The following LRMDA variants were observed in gnomAD, a reference collection of about 807,000 sequenced individuals.
The protein encoded by LRMDA is leucine rich melanocyte differentiation associated.
Under a neutral mutation model 29.8 loss-of-function variants are expected in LRMDA, and 18 were observed. The observed-to-expected ratio is 0.60, with a 90% CI of 0.42 to 0.90. The LOEUF is 0.90. Among genes scored for constraint, LRMDA ranks in the 40% least tolerant of loss-of-function variants. LRMDA has a pLI of 0.00. For missense variants in LRMDA, 273 were observed against 273.9 expected (o/e 1.00, Z 0.02); for synonymous variants, 125 against 109.4 (o/e 1.14, Z -0.89).
intron 2 of LRMDA, among the ~76,000 whole-genome samples, chr10:75,780,953 C>T (rs1271123011): frequency 6.6e-6 from 1 of 152,196 alleles, no homozygotes; most frequent in Non-Finnish European, 1.5e-5. Flanking sequence ...AGTCTTAACT[C>T]TTTAGTATGA....
intron 2 of LRMDA, among the ~76,000 whole-genome samples, chr10:75,488,611 G>A (rs937889744): frequency 1.3e-5 from 2 of 152,100 alleles, no homozygotes; most frequent in African/African-American, 2.4e-5. Flanking sequence ...TGTGCCCATC[G>A]GATTTTTGAG....
At chr10:76,176,943 C>T (rs955630028) in intron 5 of LRMDA, among the ~76,000 whole-genome samples, 19 of 152,198 alleles carry the variant, frequency 1.2e-4, no homozygotes, top group Non-Finnish European at 1.5e-5. Context: ...ATTAGTGGCA[C>T]CATTTCAGAC....
At chr10:76,078,740 G>A (rs187352774) in intron 5 of LRMDA, among the ~76,000 whole-genome samples, 409 of 152,284 alleles carry the variant, frequency 2.7e-3, no homozygotes, top group Non-Finnish European at 2.8e-3. Context: ...GGAGGCTGAG[G>A]CAGGAGAATG....
At chr10:75,533,365 G>C (rs1320692866) in intron 2 of LRMDA, among the ~76,000 whole-genome samples, 1 of 152,192 alleles carries the variant, frequency 6.6e-6, no homozygotes, top group Non-Finnish European at 1.5e-5. Context: ...TTAGGGGTGG[G>C]GTAACCCAGG....
At chr10:76,489,056 C>A (rs974093379) in intron 6 of LRMDA, among the ~76,000 whole-genome samples, 1 of 151,866 alleles carries the variant, frequency 6.6e-6, no homozygotes, top group African/African-American at 2.4e-5. Flanking sequence ...AGTATTCCCT[C>A]TTCCTCTATT....
At position 76,361,192 on chromosome 10, in the gene LRMDA, C is replaced by T. The variant is rs1256056677; in HGVS notation, c.601+36707C>T. On this transcript the variant is annotated intron_variant, in intron 6 of 6. Coordinates refer to ENST00000611255, the MANE Select transcript of LRMDA (RefSeq NM_001305581.2). ...AGGAGAGCTGCTTGAGCCTGGGAGG[C>T]GGTGGTTGCAGTGAGTCGAGATTGC... Among the ~76,000 whole-genome samples the T allele has an allele frequency of 4.6e-5, 7 of 151,396 alleles. No homozygotes were observed. The South Asian group carries it at 1.0e-3, about 23-fold the overall frequency.
chr10:75,933,859 G>A (rs1421905686), intron 2 of LRMDA, among the ~76,000 whole-genome samples: 1 of 152,148 alleles, frequency 6.6e-6, no homozygotes, highest in Non-Finnish European at 1.5e-5. Flanking sequence ...TAAGGGTTGT[G>A]GTTTTAGAAG....
rs542289412 is a variant in LRMDA, at chr10:75,972,120, A to T, written c.132-63888A>T. Among the ~76,000 whole-genome samples, 222 of 152,310 alleles carry T rather than the reference A, an allele frequency of 1.5e-3. 1 individual carries two copies. Among genetic ancestry groups the T allele is most frequent in the African/African-American group, 5.0e-3 (206 of 41,578 alleles). ...TGTTTTCTGAATGTTTGACAAACACATGGCTTCGATGTGCTAGAATCATAG... is the reference window on the plus strand; with the variant it reads ...TGTTTTCTGAATGTTTGACAAACACTTGGCTTCGATGTGCTAGAATCATAG... On this transcript the variant is annotated intron_variant, in intron 2 of 6. Transcript: ENST00000611255.
chr10:75,841,424 G>A (rs1288143318), intron 2 of LRMDA, among the ~76,000 whole-genome samples: 1 of 152,222 alleles, frequency 6.6e-6, no homozygotes, highest in East Asian at 1.9e-4. Context: ...AGTCCTGGGA[G>A]CCTGAGTCCT....
intron 5 of LRMDA, among the ~76,000 whole-genome samples, chr10:76,133,204 C>G (rs554831210): frequency 4.6e-5 from 7 of 151,978 alleles, no homozygotes; most frequent in African/African-American, 1.7e-4. Flanking sequence ...CTCTTCAACG[C>G]TATGCTAAGT....
chr10:76,170,140 G>A (rs893620898), intron 5 of LRMDA, among the ~76,000 whole-genome samples: 15 of 152,120 alleles, frequency 9.9e-5, no homozygotes, highest in African/African-American at 3.4e-4. Flanking sequence ...ATTCAGGAGC[G>A]GATCAGGGCT....
At chr10:75,829,841 C>CTTTTTTT (rs34025294) in intron 2 of LRMDA, among the ~76,000 whole-genome samples, 27 of 89,434 alleles carry the variant, frequency 3.0e-4, no homozygotes, top group African/African-American at 3.7e-4. Flanking sequence ...GAATAGGCCA[C>CTTTTTTT]TTTTTTTTTT....
intron 2 of LRMDA, among the ~76,000 whole-genome samples, chr10:75,667,171 T>C (rs1841832601): frequency 6.6e-6 from 1 of 152,194 alleles, no homozygotes; most frequent in African/African-American, 2.4e-5. Context: ...TTCTCTACTT[T>C]CTTCACTCCT....
In LRMDA at chr10:75,539,562, G is replaced by A. The variant is rs144984593; in HGVS notation, c.131+101068G>A. 2.9e-3 allele frequency among the ~76,000 whole-genome samples: 445 copies of A among 152,208 alleles called. 4 individuals are homozygous for A. Among genetic ancestry groups the A allele is most frequent in the African/African-American group, 0.01 (418 of 41,498 alleles). ...CTTATTTTAAATATTAAGTTATGGG[G>A]GAAATGTTTATACTGGCAAATAATA... On this transcript the variant is annotated intron_variant, in intron 2 of 6. Transcript: ENST00000611255.
chr10:75,540,931 T>C (rs1005835447), intron 2 of LRMDA, among the ~76,000 whole-genome samples: 1 of 152,312 alleles, frequency 6.6e-6, no homozygotes, highest in South Asian at 2.1e-4. Flanking sequence ...CTCATTGCTT[T>C]TACAGGAAGA....
At chr10:76,524,765 A>G (rs757691701) in intron 6 of LRMDA, among the ~76,000 whole-genome samples, 1 of 152,234 alleles carries the variant, frequency 6.6e-6, no homozygotes, top group African/African-American at 2.4e-5. Flanking sequence ...TAAAAGAGAA[A>G]GGAAATTGCC....
chr10:76,287,093 G>A (rs1840281034), intron 5 of LRMDA, among the ~76,000 whole-genome samples: 1 of 152,102 alleles, frequency 6.6e-6, no homozygotes, highest in Non-Finnish European at 1.5e-5. Flanking sequence ...GAAACTAGAA[G>A]ATATAACATA....
At chr10:75,484,688 T>C (rs1338268471) in intron 2 of LRMDA, among the ~76,000 whole-genome samples, 1 of 152,218 alleles carries the variant, frequency 6.6e-6, no homozygotes, top group Non-Finnish European at 1.5e-5. Context: ...ATAGGACTAG[T>C]GTCCTTATGA....
At chr10:76,084,222 G>A (rs1429182691) in intron 5 of LRMDA, among the ~76,000 whole-genome samples, 1 of 142,502 alleles carries the variant, frequency 7.0e-6, no homozygotes, top group African/African-American at 3.0e-5. Flanking sequence ...ATTTGAGACG[G>A]AGTCTTGCTC....
Sources: allele counts gnomAD v4.1 joint callset (sites outside exome capture counted in the v4.1 genomes callset), GRCh38; gene constraint gnomAD v4.1.1; transcripts MANE v1.5; gene names NCBI Gene and HGNC (gene_info 2026-07-23, HGNC 2026-07-21).